The following PLCB2 variants were observed in gnomAD, a reference collection of about 807,000 sequenced individuals.
PLCB2 encodes the protein phospholipase C beta 2.
In PLCB2, 115 loss-of-function variants were observed where a neutral mutation model predicts 141.7. That is an observed-to-expected ratio of 0.81 (90% CI 0.70 to 0.95). The LOEUF (loss-of-function observed/expected upper bound fraction) is 0.95. Among genes scored for constraint, PLCB2 ranks in the 40% least tolerant of loss-of-function variants. PLCB2 has a pLI of 0.00. For synonymous variants in PLCB2, 603 were observed against 595.6 expected (o/e 1.01, Z -0.18); for missense variants, 1,403 against 1,541.1 (o/e 0.91, Z 1.50).
Position 40,291,658 on chromosome 15 carries a change from AGCCACGG to A in PLCB2, c.2603-15_2603-9del, listed in dbSNP as rs1321948407. ...TGGCCCCGGCCCTGGCTGCTGCAAG[AGCCACGG>A]GCTGGGCTGTCAGGTGCTCTGGGGG... On this transcript the variant is annotated splice_polypyrimidine_tract_variant and intron_variant, in intron 24 of 31. Coordinates refer to ENST00000260402, the MANE Select transcript of PLCB2 (RefSeq NM_004573.3). 4 of 1,612,768 alleles carry A rather than the reference AGCCACGG, an allele frequency of 2.5e-6. No homozygotes were observed. Among genetic ancestry groups the A allele is most frequent in the Non-Finnish European group, 3.4e-6 (4 of 1,179,650 alleles).
At chr15:40,294,075 G>A (rs2040072525) in intron 19 of PLCB2, among the ~76,000 whole-genome samples, 191 bp downstream of exon 19, 1 of 152,194 alleles carries the variant, frequency 6.6e-6, no homozygotes, top group Admixed American at 6.5e-5. Context: ...GTTTCCATGG[G>A]GACCAAGTGG....
chr15:40,284,938 G>C (rs2039589994), downstream of PLCB2, among the ~76,000 whole-genome samples: 1 of 152,006 alleles, frequency 6.6e-6, no homozygotes, highest in South Asian at 2.1e-4. Flanking sequence ...ACTATTGAGG[G>C]CTGCTTTAAG....
At chr15:40,291,207 G>A (rs373627471) in intron 26 of PLCB2, 24 bp from the exon 27 acceptor site, 194 of 1,571,284 alleles carry the variant, frequency 1.2e-4, no homozygotes, top group Middle Eastern at 3.5e-4. Flanking sequence ...GTGGGGACAG[G>A]CCCTGAGATC....
In PLCB2 at chr15:40,291,183, C is replaced by T. The variant is rs1349596543; in HGVS notation, c.2871G>A (p.Arg957=). ...LGPGKGSRKK[R]SLPREESAGA... is the part of the protein sequence containing the mutation. ...CGGCGCTCTCCTCGCGGGGCAGGCT[C>T]CTGGGGAGGCCACGTGGGGACAGGC... Residue 957 remains arginine, a splice_region_variant and synonymous_variant, in exon 27 of 32, where the codon AGG becomes AGA. Coordinates refer to ENST00000260402, the MANE Select transcript of PLCB2 (RefSeq NM_004573.3). 4 of 1,571,264 alleles carry T rather than the reference C, an allele frequency of 2.5e-6. No homozygotes were observed. Among genetic ancestry groups the T allele is most frequent in the Non-Finnish European group, 3.4e-6 (4 of 1,166,610 alleles).
In PLCB2 at chr15:40,298,902, TGTTTCTGG is replaced by T; in HGVS notation, c.738_745del (p.Asn246LysfsTer7). ...CAGGGAGTTAAGCCGGGAGTCCCGC[TGTTTCTGG>T]TTGATGAATTTGGTCAGGTGCTCCT... is the stretch of plus-strand genomic sequence containing the variant. On this transcript the variant is annotated frameshift_variant, in exon 9 of 32. Transcript: ENST00000260402. LOFTEE classifies it high-confidence loss of function. The T allele has an allele frequency of 6.2e-7, 1 of 1,610,576 alleles. No homozygotes were observed. Among genetic ancestry groups the T allele is most frequent in the East Asian group, 2.2e-5 (1 of 44,876 alleles).
At chr15:40,289,928 AG>A (rs1319964697) in intron 30 of PLCB2, 96 bp downstream of exon 30, 4 of 10,878 alleles carry the variant, frequency 3.7e-4, no homozygotes, top group South Asian at 7.6e-4. Flanking sequence ...CTACTTGTGA[AG>A]AGAGAGAGAG....
chr15:40,296,587 C>A lies in PLCB2; in HGVS notation c.1534G>T (p.Glu512Ter). Residue 512 changes from glutamate (E) to a stop codon, truncating the protein, a stop_gained, in exon 15 of 32, where the codon GAG (glutamate) becomes TAG (stop). Coordinates refer to ENST00000260402, the MANE Select transcript of PLCB2 (RefSeq NM_004573.3). LOFTEE classifies it high-confidence loss of function. ...GTELEEEEVE[E>*]EEEEESGNLD... ...TTTCCTGACTCCTCCTCCTCTTCCT[C>A]TTCCACCTCCTCCTCCTCCAGCTCA... 6.2e-7 allele frequency: 1 copy of A among 1,613,420 alleles called. No individual in the cohort carries two copies. Among genetic ancestry groups the A allele is most frequent in the Non-Finnish European group, 8.5e-7 (1 of 1,179,614 alleles).
intron 30 of PLCB2, chr15:40,289,633 G>C: frequency 1.9e-6 from 1 of 536,992 alleles, no homozygotes; most frequent in Non-Finnish European, 3.3e-6. Context: ...TGATCCCTAG[G>C]GGAGCTTCAG....
In PLCB2 at chr15:40,297,732, A is replaced by G; in HGVS notation, c.1239-127T>C. ...AGGGAGGCTGGGACTCGAGCAGGAGAACATGAGGCCTTAGGGTGATTATAC... is the reference window on the plus strand; with the variant it reads ...AGGGAGGCTGGGACTCGAGCAGGAGGACATGAGGCCTTAGGGTGATTATAC... On this transcript the variant is annotated intron_variant, in intron 12 of 31. Coordinates refer to ENST00000260402, the MANE Select transcript of PLCB2 (RefSeq NM_004573.3). This position sits in a 1 kb window ranked among gnomAD's most constrained non-coding sequence, Gnocchi z 4.2. The G allele has an allele frequency of 1.1e-6, 1 of 942,610 alleles. No homozygotes were observed. Among genetic ancestry groups the G allele is most frequent in the Non-Finnish European group, 1.7e-6 (1 of 595,266 alleles). 58.4% of individuals were successfully genotyped at this position (942,610 alleles called of 1,614,324 possible).
Position 40,302,511 on chromosome 15 carries a change from G to A in PLCB2, c.330C>T (p.Leu110=), listed in dbSNP as rs766015957. 7.4e-6 allele frequency: 12 copies of A among 1,614,194 alleles called. No homozygotes were observed. The highest frequency in any genetic ancestry group is 1.1e-5 in the South Asian group (1 of 91,082). The change falls in exon 4 of 32, where the codon CTC becomes CTT. Residue 110 remains leucine, a synonymous_variant. Transcript: ENST00000260402. ...TGTAGGAGACGAAGTTGTGGAAGGT[G>A]AGGTCCACCATGTCCGGGCCGGACA... ...TVVSGPDMVD[L]TFHNFVSYKE...
chr15:40,289,116 G>T, intron 31 of PLCB2, 156 bp downstream of exon 31: 1 of 998,238 alleles, frequency 1.0e-6, no homozygotes, highest in Non-Finnish European at 1.5e-6. Flanking sequence ...GCGGAGATCT[G>T]CAGAGCTGCC....
In PLCB2 at chr15:40,307,755, C is replaced by A; in HGVS notation, c.-83G>T. 6.7e-6 allele frequency: 8 copies of A among 1,193,358 alleles called. No homozygotes were observed. Among genetic ancestry groups the A allele is most frequent in the Non-Finnish European group, 5.9e-6 (5 of 853,698 alleles). 73.9% of individuals were successfully genotyped at this position (1,193,358 alleles called of 1,614,324 possible). On this transcript the variant is annotated 5_prime_UTR_variant, in exon 1 of 32. Coordinates refer to ENST00000260402, the MANE Select transcript of PLCB2 (RefSeq NM_004573.3). ...GAAGGAGGCCAGCCAGGAGGGGGAG[C>A]CAAGCTGGGCTCAAATGGCACCCAT...
At chr15:40,285,730 C>G, downstream of PLCB2, 1 of 985,444 alleles carries the variant, frequency 1.0e-6, no homozygotes, top group African/African-American at 1.7e-5. Flanking sequence ...CTTCTATTTC[C>G]AAGGTCAGAG....
chr15:40,291,206 G>A, intron 26 of PLCB2, 23 bp from the exon 27 acceptor site: 1 of 1,571,624 alleles, frequency 6.4e-7, no homozygotes, highest in Non-Finnish European at 8.6e-7. Flanking sequence ...CGTGGGGACA[G>A]GCCCTGAGAT....
chr15:40,289,441 A>G (rs1452531096), intron 30 of PLCB2, 83 bp from the exon 31 acceptor site: 3 of 1,038,074 alleles, frequency 2.9e-6, no homozygotes, highest in East Asian at 4.8e-5. Flanking sequence ...CCAGCTAACT[A>G]GTTGTAAGAC....
chr15:40,303,922 AC>A, intron 2 of PLCB2, 78 bp downstream of exon 2: 1 of 1,008,794 alleles, frequency 9.9e-7, no homozygotes, highest in East Asian at 2.6e-5. Flanking sequence ...CCATGCCTCC[AC>A]CTTGGTGCAG....
At position 40,296,582 on chromosome 15, in the gene PLCB2, T is replaced by TTCCCCTTCCACCTCCTCCTCC; in HGVS notation, c.1538_1539insGGAGGAGGAGGTGGAAGGGGA (p.Glu516_Glu517insValGluGlyGluGluGluGlu). On this transcript the variant is annotated inframe_insertion, in exon 15 of 32. Coordinates refer to ENST00000260402, the MANE Select transcript of PLCB2 (RefSeq NM_004573.3). ...CCAGGTTTCCTGACTCCTCCTCCTCTTCCTCTTCCACCTCCTCCTCCTCCA... is the reference window on the plus strand; with the variant it reads ...CCAGGTTTCCTGACTCCTCCTCCTCTTCCCCTTCCACCTCCTCCTCCTCCTCTTCCACCTCCTCCTCCTCCA... 3 of 1,613,214 alleles carry TTCCCCTTCCACCTCCTCCTCC rather than the reference T, an allele frequency of 1.9e-6. No individual in the cohort carries two copies. Among genetic ancestry groups the TTCCCCTTCCACCTCCTCCTCC allele is most frequent in the Non-Finnish European group, 2.5e-6 (3 of 1,179,398 alleles).
intron 2 of PLCB2, 69 bp from the exon 3 acceptor site, chr15:40,303,425 T>C: frequency 8.8e-7 from 1 of 1,132,526 alleles, no homozygotes; most frequent in Non-Finnish European, 1.3e-6. Flanking sequence ...AGGTCAAGAA[T>C]GAGCAATAGG....
rs1029121527 is a variant in PLCB2 at position 40,289,259 on chromosome 15, G to A, written c.3354+13C>T. The stretch of plus-strand genomic sequence containing the variant: ...TTCAGTTCTGCTGGGGGTCCCAGTA[G>A]TGAACCTGTTACCTGCTTTTCCATC... On this transcript the variant is annotated intron_variant, in intron 31 of 31. Transcript: ENST00000260402. 6 of 1,608,094 alleles carry A rather than the reference G, an allele frequency of 3.7e-6. No homozygotes were observed. The highest frequency in any genetic ancestry group is 1.1e-5 in the South Asian group (1 of 90,966).
Sources: gnomAD v4.1 joint callset for allele counts (sites outside exome capture counted in the v4.1 genomes callset) on GRCh38, gnomAD v4.1.1 for gene constraint, Gnocchi (gnomAD v3.1) non-coding constraint, MANE v1.5 for transcripts, NCBI Gene and HGNC (gene_info 2026-07-23, HGNC 2026-07-21) for gene names.